The following ACSL4 variants were observed in gnomAD, a reference collection of about 807,000 sequenced individuals.
ACSL4 encodes long-chain-fatty-acid--CoA ligase 4.
A neutral mutation model predicts 49.1 loss-of-function variants in ACSL4; 9 were observed. The observed-to-expected ratio is 0.18, with a 90% CI of 0.11 to 0.32. The LOEUF (loss-of-function observed/expected upper bound fraction) is 0.32, where lower values mean the gene tolerates loss of function less well. Ranked by LOEUF, ACSL4 falls within the 10% of genes least tolerant of loss-of-function variation. The probability of loss-of-function intolerance (pLI) is 1.00; values close to 1 mark genes in which losing one functional copy is unlikely to be tolerated. For synonymous variants in ACSL4, 191 were observed against 170.3 expected, an observed-to-expected ratio of 1.12 and a Z score of -0.95; for missense variants, 333 against 493.7, an observed-to-expected ratio of 0.67 and a Z score of 3.08.
At chrX:109,671,072 C>T (rs1343106520) in intron 9 of ACSL4, among the ~76,000 whole-genome samples, 2 of 111,910 alleles carry the variant, frequency 1.8e-5, no homozygotes, top group African/African-American at 6.5e-5. Context: ...AGGAGCGTCT[C>T]TGCCTGGCCG....
chrX:109,645,098 G>A (rs1934605624), intron 15 of ACSL4, among the ~76,000 whole-genome samples: 1 of 112,997 alleles, frequency 8.8e-6, no homozygotes, highest in Non-Finnish European at 1.9e-5. Context: ...CTGGGGGAGG[G>A]GCGCCCGCCA....
chrX:109,732,085 T>C (rs889822991), intron 1 of ACSL4, among the ~76,000 whole-genome samples: 1 of 112,612 alleles, frequency 8.9e-6, no homozygotes, highest in Non-Finnish European at 1.9e-5. Context: ...TGATATGCTC[T>C]AGTTCAACAG....
At chrX:109,731,747 G>A (rs772339671) in intron 1 of ACSL4, among the ~76,000 whole-genome samples, 5 of 111,469 alleles carry the variant, frequency 4.5e-5, no homozygotes, top group African/African-American at 1.6e-4. Flanking sequence ...CCACCTAAAT[G>A]GCAGAGAGTG....
chrX:109,717,761 T>C (rs1399748770), intron 1 of ACSL4, among the ~76,000 whole-genome samples: 1 of 111,955 alleles, frequency 8.9e-6, no homozygotes, highest in African/African-American at 3.2e-5. Context: ...TCCAATAGTT[T>C]ATACTCACAG....
intron 15 of ACSL4, among the ~76,000 whole-genome samples, chrX:109,645,341 C>A (rs1934625380): frequency 8.9e-6 from 1 of 112,391 alleles, no homozygotes; most frequent in Non-Finnish European, 1.9e-5. Flanking sequence ...GGGCAGACTG[C>A]CTCCTCAAGT....
intron 1 of ACSL4, among the ~76,000 whole-genome samples, chrX:109,718,162 C>T (rs1373094759): frequency 1.8e-5 from 2 of 112,509 alleles, no homozygotes; most frequent in Non-Finnish European, 1.9e-5. Context: ...CAAAACGTTA[C>T]AGCATTTAGA....
chrX:109,715,987 G>A (rs1443616204), intron 1 of ACSL4, among the ~76,000 whole-genome samples: 1 of 112,379 alleles, frequency 8.9e-6, no homozygotes, highest in African/African-American at 3.2e-5. Flanking sequence ...ATAACATGTT[G>A]ATTTAAGGAG....
chrX:109,716,788 G>A (rs1370020262), intron 1 of ACSL4, among the ~76,000 whole-genome samples: 1 of 112,071 alleles, frequency 8.9e-6, no homozygotes, highest in African/African-American at 3.2e-5. Context: ...CCATCTCAAT[G>A]AAATACTATT....
intron 1 of ACSL4, among the ~76,000 whole-genome samples, chrX:109,724,580 G>A (rs1198693275): frequency 1.8e-5 from 2 of 111,570 alleles, no homozygotes; most frequent in African/African-American, 3.3e-5. Flanking sequence ...CCCAGTAGTT[G>A]GAACCATAGG....
Position 109,653,603 on chromosome X carries a change from C to A in ACSL4, c.1855+5751G>T, listed in dbSNP as rs766612570. 2.7e-4 allele frequency among the ~76,000 whole-genome samples: 30 copies of A among 110,936 alleles called. 1 individual carries two copies. In the East Asian group the frequency reaches 8.4e-3, roughly 31 times the overall value. On this transcript the variant is annotated intron_variant, in intron 15 of 15. Transcript: ENST00000672401. ...GGATTAAGAAAATGTGGCACATATA[C>A]ACCATGGAATACTATGCAGCCATAA...
intron 2 of ACSL4, among the ~76,000 whole-genome samples, chrX:109,691,257 T>C (rs1925020236): frequency 8.9e-6 from 1 of 112,165 alleles, no homozygotes; most frequent in African/African-American, 3.2e-5. Context: ...TTTTTAGAAG[T>C]CTCATTTTCA....
intron 14 of ACSL4, 100 bp downstream of exon 14, chrX:109,661,431 C>T: frequency 1.7e-6 from 1 of 604,882 alleles, no homozygotes; most frequent in Non-Finnish European, 2.8e-6. Context: ...GATGAAAATT[C>T]TAAGAGAAGA....
At chrX:109,731,955 T>G (rs1364068653) in intron 1 of ACSL4, among the ~76,000 whole-genome samples, 1 of 112,280 alleles carries the variant, frequency 8.9e-6, no homozygotes, top group African/African-American at 3.2e-5. Flanking sequence ...AGAGACAAAA[T>G]AAAAGAAAAA....
chrX:109,644,952 T>G (rs1336453978), intron 15 of ACSL4, among the ~76,000 whole-genome samples: 1 of 113,014 alleles, frequency 8.8e-6, no homozygotes, highest in African/African-American at 3.2e-5. Flanking sequence ...CCAAATACTG[T>G]GCTTTTCCGA....
At chrX:109,680,744 C>T (rs758940206) in intron 6 of ACSL4, among the ~76,000 whole-genome samples, 33 of 112,962 alleles carry the variant, frequency 2.9e-4, no homozygotes, top group Non-Finnish European at 4.7e-4. Flanking sequence ...AAACATTTGG[C>T]AGCAACTGCC....
At chrX:109,727,606 T>C (rs1928103002) in intron 1 of ACSL4, among the ~76,000 whole-genome samples, 1 of 108,314 alleles carries the variant, frequency 9.2e-6, no homozygotes, top group African/African-American at 3.3e-5. Context: ...AATCACAATA[T>C]CACCTGGAAA....
chrX:109,707,990 G>A (rs939781846), intron 1 of ACSL4, among the ~76,000 whole-genome samples: 6 of 111,526 alleles, frequency 5.4e-5, no homozygotes, highest in Non-Finnish European at 1.1e-4. Context: ...GGTTACCCAG[G>A]CAGGAATCCA....
At chrX:109,690,057 T>C (rs1369552558) in intron 2 of ACSL4, among the ~76,000 whole-genome samples, 1 of 112,683 alleles carries the variant, frequency 8.9e-6, no homozygotes, top group African/African-American at 3.2e-5. Flanking sequence ...TAGGAAATAC[T>C]ATACTCTTAA....
chrX:109,707,335 G>GTCC (rs1346412332), intron 1 of ACSL4, among the ~76,000 whole-genome samples: 2 of 112,272 alleles, frequency 1.8e-5, no homozygotes, highest in African/African-American at 6.5e-5. Flanking sequence ...GCTGCCAAAA[G>GTCC]TATACAAAAA....
Sources: allele counts gnomAD v4.1 joint callset (sites outside exome capture counted in the v4.1 genomes callset), GRCh38; gene constraint gnomAD v4.1.1; transcripts MANE v1.5; gene names NCBI Gene and HGNC (gene_info 2026-07-23, HGNC 2026-07-21).